Variants in PUDP observed in about 807,000 individuals in gnomAD.
PUDP encodes pseudouridine 5'-phosphatase.
PUDP carries 8 observed loss-of-function variants against 9.4 expected under a neutral mutation model. The observed-to-expected ratio is 0.85, with a 90% CI of 0.50 to 1.53. PUDP has a LOEUF of 1.53. Among genes scored for constraint, PUDP ranks in the 40% most tolerant of loss-of-function variants. The pLI is 0.00. For missense variants in PUDP, 188 were observed against 189.7 expected, an observed-to-expected ratio of 0.99 and a Z score of 0.05; for synonymous variants, 99 against 80.7, an observed-to-expected ratio of 1.23 and a Z score of -1.22.
intron 3 of PUDP, among the ~76,000 whole-genome samples, chrX:6,737,314 G>A (rs768727544): frequency 2.7e-5 from 3 of 112,479 alleles, no homozygotes; most frequent in East Asian, 2.8e-4. Context: ...AAAGCAGCCC[G>A]AGAAAGCAAA....
rs542583930 is a variant in PUDP, at chrX:6,939,340, A to C, written c.*247+37793T>G. 1.2e-4 allele frequency among the ~76,000 whole-genome samples: 13 copies of C among 106,486 alleles called. No homozygotes were observed. The South Asian group carries it at 4.7e-3, about 38-fold the overall frequency. 92.5% of individuals were successfully genotyped at this position (106,486 alleles called of 115,157 possible). The stretch of plus-strand genomic sequence containing the variant: ...TAATAATTATTTAATATCTATATTA[A>C]TATTGTAAATATAATATTTAATGCT... On this transcript the variant is annotated intron_variant and NMD_transcript_variant, in intron 3 of 3. Transcript: ENST00000655425.
chrX:7,059,203 AAAAG>A (rs1244482561), intron 3 of PUDP, among the ~76,000 whole-genome samples: 4 of 111,543 alleles, frequency 3.6e-5, no homozygotes, highest in African/African-American at 1.3e-4. Context: ...TTTACTCAAT[AAAAG>A]TACATTACGG....
chrX:6,977,278 T>C lies in PUDP; in HGVS notation c.*138-36A>G, dbSNP rs182175399. Among the ~76,000 whole-genome samples the C allele has an allele frequency of 1.3e-4, 15 of 111,399 alleles. No homozygotes were observed. The East Asian group carries it at 4.3e-3, about 32-fold the overall frequency. ...CAGAAAATGTAGTATCAAGGACACC[T>C]TCAGGATGTAGACAGTAAGGTGACT... On this transcript the variant is annotated intron_variant and NMD_transcript_variant, in intron 2 of 3. Coordinates refer to the PUDP transcript ENST00000655425.
At position 7,049,597 on chromosome X, in the gene PUDP, T is replaced by C; in HGVS notation, c.*699A>G. On this transcript the variant is annotated 3_prime_UTR_variant, in exon 4 of 4. Transcript: ENST00000381077. ...AATGAGGAAAGATCCAGAGACATTC[T>C]GAGGTCACAAAAAGAATTTAAATGT... 1 of 112,106 alleles carries C rather than the reference T, an allele frequency of 8.9e-6. No individual in the cohort carries two copies. The highest frequency in any genetic ancestry group is 2.8e-4 in the East Asian group (1 of 3,525). The allele number at this position is 112,106 out of a possible 1,213,427, so 9.2% of individuals were successfully genotyped here.
intron 3 of PUDP, among the ~76,000 whole-genome samples, chrX:6,949,851 T>A (rs1429213919): frequency 9.0e-6 from 1 of 111,729 alleles, no homozygotes; most frequent in East Asian, 2.8e-4. Context: ...AGGGCTGGGA[T>A]CTCATATCAT....
chrX:6,782,187 C>T (rs772323236), intron 3 of PUDP, among the ~76,000 whole-genome samples: 2 of 111,312 alleles, frequency 1.8e-5, no homozygotes, highest in Non-Finnish European at 3.8e-5. Flanking sequence ...CGGGAAATTC[C>T]GGTGCCCTAG....
At chrX:7,080,237 G>A (rs1311531604) in intron 2 of PUDP, among the ~76,000 whole-genome samples, 1 of 112,207 alleles carries the variant, frequency 8.9e-6, no homozygotes, top group African/African-American at 3.2e-5. Context: ...GATGAAATGA[G>A]ATAATTCTTT....
At chrX:6,840,141 T>C (rs140763746) in intron 3 of PUDP, among the ~76,000 whole-genome samples, 1,444 of 111,373 alleles carry the variant, frequency 0.013, 25 homozygotes, top group African/African-American at 0.044. Flanking sequence ...AGTGAATAAG[T>C]CTCATGAGAT....
chrX:7,007,630 C>T (rs149092951), intron 1 of PUDP, among the ~76,000 whole-genome samples: 3,303 of 112,345 alleles, frequency 0.029, 59 homozygotes, highest in Non-Finnish European at 0.049. Flanking sequence ...GATAATTTCA[C>T]CAGATCCAGC....
chrX:7,125,676 T>C (rs1014724127), intron 1 of PUDP, among the ~76,000 whole-genome samples: 2 of 111,942 alleles, frequency 1.8e-5, no homozygotes, highest in Non-Finnish European at 3.8e-5. Context: ...AAAAAGAGGC[T>C]TAATGGACTC....
chrX:6,914,199 T>A (rs1186610445), intron 3 of PUDP, among the ~76,000 whole-genome samples: 3 of 104,478 alleles, frequency 2.9e-5, no homozygotes, highest in Non-Finnish European at 3.9e-5. Context: ...CACAGTTACA[T>A]AGACACAGTT....
intron 3 of PUDP, among the ~76,000 whole-genome samples, chrX:6,916,411 GTT>G (rs371625779): frequency 1.6e-3 from 148 of 95,003 alleles, no homozygotes; most frequent in African/African-American, 4.1e-3. Context: ...TGCATCCCCA[GTT>G]TTTTTTTTTT....
At position 7,050,082 on chromosome X, in the gene PUDP, TTC is replaced by T. The variant is rs1930053439; in HGVS notation, c.*212_*213del. ...GTTTCATCTTTGTTCTGGGCTTCGT[TTC>T]TGTCTCTACTGTATTTTTTGTCTCA... On this transcript the variant is annotated 3_prime_UTR_variant, in exon 4 of 4. Coordinates refer to ENST00000381077, the MANE Select transcript of PUDP (RefSeq NM_012080.5). 1 of 382,394 alleles carries T rather than the reference TTC, an allele frequency of 2.6e-6. No homozygotes were observed. The highest frequency in any genetic ancestry group is 4.5e-6 in the Non-Finnish European group (1 of 219,933). The allele number at this position is 382,394 out of a possible 1,213,427, so 31.5% of individuals were successfully genotyped here. A position where few individuals can be genotyped will look rare whatever the true frequency, so the allele number is the denominator to read the frequency against.
At chrX:7,057,853 C>A in intron 3 of PUDP, 1 of 1,009,324 alleles carries the variant, frequency 9.9e-7, no homozygotes, top group East Asian at 3.3e-5. Context: ...GAAGGGAACA[C>A]AGTAGGAGGC....
chrX:6,887,017 ATATAT>A (rs1463262352), intron 3 of PUDP, among the ~76,000 whole-genome samples: 1 of 106,472 alleles, frequency 9.4e-6, no homozygotes, highest in Non-Finnish European at 1.9e-5. Flanking sequence ...TATAGATTAC[ATATAT>A]TATATATCTA....
intron 3 of PUDP, among the ~76,000 whole-genome samples, chrX:6,972,645 CA>C (rs1928894181): frequency 8.9e-6 from 1 of 112,098 alleles, no homozygotes; most frequent in Non-Finnish European, 1.9e-5. Flanking sequence ...CGATGTTCAT[CA>C]GGGGTATTGG....
chrX:7,017,764 G>C (rs1929571618), intron 1 of PUDP, among the ~76,000 whole-genome samples: 1 of 112,046 alleles, frequency 8.9e-6, no homozygotes, highest in Non-Finnish European at 1.9e-5. Context: ...ATGTGGAACT[G>C]TCAGAGGTGT....
intron 3 of PUDP, among the ~76,000 whole-genome samples, chrX:6,891,980 C>T (rs1927523779): frequency 8.9e-6 from 1 of 112,019 alleles, no homozygotes; most frequent in Non-Finnish European, 1.9e-5. Context: ...CCTCTTTGTG[C>T]TTCTTGGGAT....
intron 3 of PUDP, among the ~76,000 whole-genome samples, chrX:6,917,620 A>T (rs1191560150): frequency 8.9e-6 from 1 of 112,311 alleles, no homozygotes; most frequent in African/African-American, 3.2e-5. Context: ...ATTCTTATTT[A>T]TTCAAAGCTA....
Sources: allele counts gnomAD v4.1 joint callset (sites outside exome capture counted in the v4.1 genomes callset), GRCh38; gene constraint gnomAD v4.1.1; transcripts MANE v1.5; gene names NCBI Gene and HGNC (gene_info 2026-07-23, HGNC 2026-07-21).